PLCH1: variants seen among roughly 807,000 people sequenced by gnomAD.
The protein encoded by PLCH1 is 1-phosphatidylinositol 4,5-bisphosphate phosphodiesterase eta-1.
PLCH1 carries 60 observed loss-of-function variants against 126.7 expected under a neutral mutation model. The ratio of observed to expected loss-of-function variants is 0.47; its 90% CI spans 0.38 to 0.59. PLCH1 has a LOEUF of 0.59. PLCH1 is among the 20% of genes least tolerant of loss of function. The pLI is 0.00. For synonymous variants in PLCH1, 719 were observed against 734.9 expected, an observed-to-expected ratio of 0.98 and a Z score of 0.35; for missense variants, 1,723 against 2,040.0, an observed-to-expected ratio of 0.84 and a Z score of 2.99.
chr3:155,511,895 A>T (rs370130110), intron 12 of PLCH1, among the ~76,000 whole-genome samples: 12 of 152,202 alleles, frequency 7.9e-5, no homozygotes, highest in South Asian at 2.1e-4. Context: ...TCGAGCTTCC[A>T]GGCTGCTTTG....
rs150381264 is a variant in PLCH1, at chr3:155,481,809, C to A, written c.4217G>T (p.Arg1406Leu). 1 of 1,614,074 alleles carries A rather than the reference C, an allele frequency of 6.2e-7. No homozygotes were observed. Among genetic ancestry groups the A allele is most frequent in the Non-Finnish European group, 8.5e-7 (1 of 1,179,978 alleles). Residue 1406 changes from arginine (R) to leucine (L), a missense_variant, in exon 23 of 23, where the codon CGC (arginine) becomes CTC (leucine). Physicochemically the swap from Arg to Leu is moderately radical, Grantham distance 102. Transcript: ENST00000460012. The surrounding 1 kb of genome is among the most constrained non-coding windows in gnomAD (Gnocchi z 4.2). The stretch of plus-strand genomic sequence containing the variant: ...GTTGAATATTTCAGGGACAGAAGGG[C>A]GGAGGGTCTCTTTACAGTAGCCGTT... ...LRNGYCKETL[R>L]PSVPEIFNNI...
At chr3:155,721,920 G>A (rs1194256143) in intron 1 of PLCH1, among the ~76,000 whole-genome samples, 1 of 152,024 alleles carries the variant, frequency 6.6e-6, no homozygotes, top group Non-Finnish European at 1.5e-5. Context: ...GGTGGCACAT[G>A]CCTGTAATCT....
chr3:155,658,417 C>A lies in PLCH1; in HGVS notation c.79+45729G>T, dbSNP rs115444944. 1,133 of 160,222 alleles carry A rather than the reference C, an allele frequency of 7.1e-3. 19 individuals carry two copies. The highest frequency in any genetic ancestry group is 0.026 in the African/African-American group (1,092 of 41,788). 9.9% of individuals were successfully genotyped at this position (160,222 alleles called of 1,614,324 possible). On this transcript the variant is annotated intron_variant, in intron 2 of 22. Coordinates refer to ENST00000460012, the MANE Select transcript of PLCH1 (RefSeq NM_014996.4). Reference sequence around the variant, plus strand: ...TCCCAAAACATCTCACTGATACCAACCTCAAGAAGCAGCAGCTGCGGAAGC... The same window carrying A: ...TCCCAAAACATCTCACTGATACCAAACTCAAGAAGCAGCAGCTGCGGAAGC...
chr3:155,621,805 C>T (rs558163951), intron 2 of PLCH1, among the ~76,000 whole-genome samples: 6 of 152,120 alleles, frequency 3.9e-5, no homozygotes, highest in Admixed American at 6.5e-5. Flanking sequence ...CTGAAAGTGA[C>T]GGGGAGAATG....
chr3:155,594,132 G>T lies in PLCH1; in HGVS notation c.279C>A (p.Phe93Leu). 2 of 1,613,948 alleles carry T rather than the reference G, an allele frequency of 1.2e-6. No individual in the cohort carries two copies. The highest frequency in any genetic ancestry group is 1.7e-6 in the Non-Finnish European group (2 of 1,179,866). ...KVTEGRQSEI[F>L]HRQAEGNFDP... Reference sequence around the variant, plus strand: ...CGAAGTTCCCCTCAGCTTGTCTGTGGAATATTTCAGACTGCCGGCCCTCAG... The same window carrying T: ...CGAAGTTCCCCTCAGCTTGTCTGTGTAATATTTCAGACTGCCGGCCCTCAG... The change falls in exon 4 of 23, where the codon TTC (phenylalanine) becomes TTA (leucine). Residue 93 changes from phenylalanine (F) to leucine (L), a missense_variant. Physicochemically the swap from Phe to Leu is conservative, Grantham distance 22. Around this residue, in one of 2 missense-constraint regions of PLCH1, gnomAD observed 776 missense variants for 1,062.9 expected, o/e 0.73. Coordinates refer to ENST00000460012, the MANE Select transcript of PLCH1 (RefSeq NM_014996.4).
chr3:155,524,036 T>G, intron 10 of PLCH1, 32 bp from the exon 11 acceptor site: 2 of 1,295,900 alleles, frequency 1.5e-6, no homozygotes, highest in Non-Finnish European at 2.2e-6. Context: ...CATTTAAAAA[T>G]GAGAATAAAT....
At position 155,500,757 on chromosome 3, in the gene PLCH1, T is replaced by G; in HGVS notation, c.1742A>C (p.Asp581Ala). The change falls in exon 14 of 23, where the codon GAT becomes GCT. Residue 581 changes from aspartate to alanine, a missense_variant. By Grantham distance (126) the Asp-to-Ala change is moderately radical. Transcript: ENST00000460012. ...TKSRSKSYSTDDEEDTQQSTG... is the reference protein window; with the variant it reads ...TKSRSKSYSTADEEDTQQSTG... ...ACTCTGCTGTGTGTCTTCCTCATCA[T>G]CAGTACTGTAAGATTTAGACCGTGA... The G allele has an allele frequency of 6.2e-7, 1 of 1,613,720 alleles. No homozygotes were observed.
Position 155,673,048 on chromosome 3 carries a change from CTTT to C in PLCH1, c.79+31095_79+31097del, listed in dbSNP as rs66672315. 4.4e-3 allele frequency among the ~76,000 whole-genome samples: 299 copies of C among 68,216 alleles called. 1 individual carries two copies. The highest frequency in any genetic ancestry group is 0.015 in the African/African-American group (219 of 14,644). 44.8% of individuals were successfully genotyped at this position (68,216 alleles called of 152,430 possible). On this transcript the variant is annotated intron_variant, in intron 2 of 22. Coordinates refer to ENST00000460012, the MANE Select transcript of PLCH1 (RefSeq NM_014996.4). ...TCCCCAGCTTAAAACCTTCTGTTGC[CTTT>C]TTTTTTTTTTTTTTTTTTTTTTTGG...
At chr3:155,677,729 T>C (rs1744202117) in intron 2 of PLCH1, among the ~76,000 whole-genome samples, 1 of 152,236 alleles carries the variant, frequency 6.6e-6, no homozygotes, top group Non-Finnish European at 1.5e-5. Flanking sequence ...GTTTTACTAT[T>C]ATTAATCTTG....
intron 2 of PLCH1, among the ~76,000 whole-genome samples, chr3:155,650,459 G>T (rs1417053962): frequency 6.6e-6 from 1 of 152,144 alleles, no homozygotes; most frequent in African/African-American, 2.4e-5. Context: ...ATGACCAGGC[G>T]GCCAGAGGCC....
At chr3:155,732,938 GA>G (rs940942978) in intron 1 of PLCH1, among the ~76,000 whole-genome samples, 2 of 146,008 alleles carry the variant, frequency 1.4e-5, no homozygotes, top group African/African-American at 5.0e-5. Context: ...ATCCTCTGAG[GA>G]AAAAAAATCA....
intron 10 of PLCH1, among the ~76,000 whole-genome samples, chr3:155,542,382 G>T (rs572505584): frequency 0.02 from 3,081 of 152,314 alleles, 105 homozygotes; most frequent in African/African-American, 0.071. Context: ...AAGCAGCCTG[G>T]AAGCTCGAAC....
chr3:155,665,818 A>G (rs1742662257), intron 2 of PLCH1, among the ~76,000 whole-genome samples: 1 of 152,256 alleles, frequency 6.6e-6, no homozygotes, highest in South Asian at 2.1e-4. Context: ...ATAAATCACA[A>G]ATAATCTCAT....
intron 1 of PLCH1, among the ~76,000 whole-genome samples, chr3:155,714,993 C>T (rs1275060026): frequency 6.6e-6 from 1 of 152,192 alleles, no homozygotes; most frequent in Admixed American, 6.5e-5. Flanking sequence ...TATTTGACTA[C>T]TGGTTTATTT....
chr3:155,555,927 G>A (rs946972708), intron 8 of PLCH1, among the ~76,000 whole-genome samples: 2 of 152,148 alleles, frequency 1.3e-5, no homozygotes, highest in African/African-American at 4.8e-5. Context: ...GCCTGAATGA[G>A]ATAACTACTT....
intron 10 of PLCH1, among the ~76,000 whole-genome samples, chr3:155,539,135 C>T (rs1723864528): frequency 1.3e-5 from 2 of 151,990 alleles, no homozygotes; most frequent in Admixed American, 1.3e-4. Context: ...ACCACATAAA[C>T]AGAATCAAAA....
At chr3:155,634,625 G>C (rs73874891) in intron 2 of PLCH1, among the ~76,000 whole-genome samples, 4,194 of 152,254 alleles carry the variant, frequency 0.028, 192 homozygotes, top group African/African-American at 0.096. Context: ...CCTGGCTCTG[G>C]GCTCCAGAGG....
chr3:155,511,799 CTGTT>C lies in PLCH1; in HGVS notation c.1632+2920_1632+2923del, dbSNP rs1046336990. Reference sequence around the variant, plus strand: ...TTAAGTCTGCAGAGGTTACTGCTGTCTGTTTGTTTGTCTGTGCCCTGCCCCCAGA... The same window carrying C: ...TTAAGTCTGCAGAGGTTACTGCTGTCTGTTTGTCTGTGCCCTGCCCCCAGA... On this transcript the variant is annotated intron_variant, in intron 12 of 22. Coordinates refer to ENST00000460012, the MANE Select transcript of PLCH1 (RefSeq NM_014996.4). Among the ~76,000 whole-genome samples, 88 of 151,214 alleles carry C rather than the reference CTGTT, an allele frequency of 5.8e-4. 3 individuals are homozygous for C. The East Asian group carries it at 0.012, about 20-fold the overall frequency.
intron 10 of PLCH1, among the ~76,000 whole-genome samples, chr3:155,538,014 A>G (rs932010692): frequency 6.6e-6 from 1 of 152,132 alleles, no homozygotes; most frequent in African/African-American, 2.4e-5. Context: ...ACAAGTCTCA[A>G]CGAATTTAAG....
Sources: gnomAD v4.1 joint callset for allele counts (sites outside exome capture counted in the v4.1 genomes callset) on GRCh38, gnomAD v4.1.1 for gene constraint, gnomAD v4.1.1 regional missense constraint, Gnocchi (gnomAD v3.1) non-coding constraint, MANE v1.5 for transcripts, NCBI Gene and HGNC (gene_info 2026-07-23, HGNC 2026-07-21) for gene names.